Variants in DLG2 observed in about 807,000 individuals in gnomAD.
DLG2 encodes discs large MAGUK scaffold protein 2.
DLG2 carries 45 observed loss-of-function variants against 132.5 expected under a neutral mutation model. The observed-to-expected ratio is 0.34, with a 90% confidence interval of 0.27 to 0.44. The LOEUF (loss-of-function observed/expected upper bound fraction) is 0.44. DLG2 is among the 20% of genes least tolerant of loss of function. DLG2 has a pLI of 1.00. For synonymous variants in DLG2, 424 were observed against 419.6 expected, an observed-to-expected ratio of 1.01 and a Z score of -0.13; for missense variants, 1,045 against 1,196.9, an observed-to-expected ratio of 0.87 and a Z score of 1.87.
At chr11:85,601,216 CAA>C (rs1457429363) in intron 2 of DLG2, among the ~76,000 whole-genome samples, 3 of 152,098 alleles carry the variant, frequency 2.0e-5, no homozygotes, top group African/African-American at 7.2e-5. Context: ...CTACATTGCC[CAA>C]GTTAGTCTTG....
intron 8 of DLG2, among the ~76,000 whole-genome samples, chr11:84,198,402 T>C (rs1387476559): frequency 6.6e-6 from 1 of 152,162 alleles, no homozygotes; most frequent in Non-Finnish European, 1.5e-5. Flanking sequence ...TAGGGAAATA[T>C]ATTTTATAAA....
At chr11:84,923,389 G>T (rs1364703635) in intron 6 of DLG2, 4 of 1,047,074 alleles carry the variant, frequency 3.8e-6, no homozygotes, top group Non-Finnish European at 4.6e-6. Context: ...GACCTCAGTT[G>T]CTTTTCCTTC....
chr11:83,538,171 C>T (rs893358144), intron 20 of DLG2, among the ~76,000 whole-genome samples: 5 of 152,292 alleles, frequency 3.3e-5, no homozygotes, highest in South Asian at 4.2e-4. Context: ...ATTATGATAA[C>T]GCTGCCCATA....
rs1555392415 is a variant in DLG2 at position 83,770,265 on chromosome 11, G to GTTTTTTTGTTTTT, written c.1825+16424_1825+16425insAAAAACAAAAAAA. Among the ~76,000 whole-genome samples, 61 of 128,784 alleles carry GTTTTTTTGTTTTT rather than the reference G, an allele frequency of 4.7e-4. 2 individuals carry two copies. Among genetic ancestry groups the GTTTTTTTGTTTTT allele is most frequent in the Admixed American group, 1.8e-3 (24 of 13,378 alleles). The allele number at this position is 128,784 out of a possible 152,430, so 84.5% of individuals were successfully genotyped here. A position where few individuals can be genotyped will look rare whatever the true frequency, so the allele number is the denominator to read the frequency against. Reference sequence around the variant, plus strand: ...CTCGTGGTGTCTGGTGTTTTTTTTTGTTTTTTTGCTTTTTGTACAAAGATT... The same window carrying GTTTTTTTGTTTTT: ...CTCGTGGTGTCTGGTGTTTTTTTTTGTTTTTTTGTTTTTTTTTTTTGCTTTTTGTACAAAGATT... On this transcript the variant is annotated intron_variant, in intron 18 of 27. Transcript: ENST00000376104.
At chr11:85,285,186 T>C in intron 4 of DLG2, 34 bp downstream of exon 4, 1 of 1,594,434 alleles carries the variant, frequency 6.3e-7, no homozygotes, top group Non-Finnish European at 8.6e-7. Context: ...AGTCCTAGTA[T>C]TATTCAGTTC....
At chr11:85,584,795 T>C (rs1228426940) in intron 3 of DLG2, among the ~76,000 whole-genome samples, 2 of 152,252 alleles carry the variant, frequency 1.3e-5, no homozygotes, top group Non-Finnish European at 2.9e-5. Context: ...CTTTTCCATA[T>C]CTTCTTTTGA....
At chr11:85,455,788 T>A (rs1662105759) in intron 3 of DLG2, among the ~76,000 whole-genome samples, 1 of 152,192 alleles carries the variant, frequency 6.6e-6, no homozygotes, top group Non-Finnish European at 1.5e-5. Flanking sequence ...ATCATGTGGT[T>A]TTTGTTTTTA....
At chr11:83,904,928 C>A (rs2074349088) in intron 15 of DLG2, among the ~76,000 whole-genome samples, 1 of 152,120 alleles carries the variant, frequency 6.6e-6, no homozygotes, top group African/African-American at 2.4e-5. Context: ...AGTGAAGAAT[C>A]TTCTGTCCGT....
intron 19 of DLG2, among the ~76,000 whole-genome samples, chr11:83,597,413 C>T (rs1224651621): frequency 6.6e-6 from 1 of 152,100 alleles, no homozygotes; most frequent in Non-Finnish European, 1.5e-5. Context: ...CTTGGTCAGA[C>T]ACAGTGGCTC....
At chr11:84,563,253 A>T (rs954455682) in intron 6 of DLG2, among the ~76,000 whole-genome samples, 2 of 152,346 alleles carry the variant, frequency 1.3e-5, no homozygotes, top group Admixed American at 1.3e-4. Flanking sequence ...TCAAAACATG[A>T]TGGTGAGTAA....
intron 6 of DLG2, among the ~76,000 whole-genome samples, chr11:84,734,253 A>G (rs1449219068): frequency 2.0e-5 from 3 of 152,122 alleles, no homozygotes; most frequent in Non-Finnish European, 2.9e-5. Context: ...CATGATATTG[A>G]TTCTTCCTAT....
chr11:83,586,075 C>G (rs2097079828), intron 19 of DLG2, among the ~76,000 whole-genome samples: 1 of 152,196 alleles, frequency 6.6e-6, no homozygotes, highest in African/African-American at 2.4e-5. Flanking sequence ...AGGCAGTGTG[C>G]AAGTGCTGAG....
intron 15 of DLG2, among the ~76,000 whole-genome samples, chr11:83,885,316 C>G (rs2067510343): frequency 6.6e-6 from 1 of 152,008 alleles, no homozygotes; most frequent in South Asian, 2.1e-4. Flanking sequence ...ACCTCAGGAG[C>G]CAATGTGATC....
chr11:83,868,055 G>GA (rs2062727641), intron 16 of DLG2, among the ~76,000 whole-genome samples: 2 of 152,262 alleles, frequency 1.3e-5, no homozygotes, highest in African/African-American at 4.8e-5. Context: ...GGGACACAAG[G>GA]AAAAATGAAA....
intron 6 of DLG2, among the ~76,000 whole-genome samples, chr11:84,716,929 T>C (rs553833076): frequency 2.0e-5 from 3 of 152,142 alleles, no homozygotes; most frequent in South Asian, 4.1e-4. Flanking sequence ...CCCATCATAA[T>C]GCCTAGCATG....
chr11:84,110,940 T>C (rs1193827453), intron 9 of DLG2, among the ~76,000 whole-genome samples: 2 of 152,228 alleles, frequency 1.3e-5, no homozygotes, highest in Non-Finnish European at 2.9e-5. Context: ...TACTTTCTTC[T>C]GTGTAGATTT....
At chr11:83,986,582 G>C (rs1472744792) in intron 11 of DLG2, among the ~76,000 whole-genome samples, 2 of 151,472 alleles carry the variant, frequency 1.3e-5, no homozygotes, top group African/African-American at 4.9e-5. Flanking sequence ...CCCAGTAATG[G>C]GATGGCTGGG....
chr11:85,229,906 C>T (rs2075200614), intron 4 of DLG2, among the ~76,000 whole-genome samples: 1 of 151,830 alleles, frequency 6.6e-6, no homozygotes, highest in Admixed American at 6.6e-5. Flanking sequence ...CCAAACACCA[C>T]ATGTTTGGTG....
At chr11:85,363,588 G>A (rs893628603) in intron 3 of DLG2, among the ~76,000 whole-genome samples, 1 of 152,168 alleles carries the variant, frequency 6.6e-6, no homozygotes, top group Admixed American at 6.5e-5. Flanking sequence ...TGTTGTAGGA[G>A]CTCAATCTTT....
Sources: gnomAD v4.1 joint callset for allele counts (sites outside exome capture counted in the v4.1 genomes callset) on GRCh38, gnomAD v4.1.1 for gene constraint, MANE v1.5 for transcripts, NCBI Gene and HGNC (gene_info 2026-07-23, HGNC 2026-07-21) for gene names.